The following MKLN1 variants were observed in gnomAD, a reference collection of about 807,000 sequenced individuals.
The protein encoded by MKLN1 is muskelin.
MKLN1 carries 18 observed loss-of-function variants against 99.0 expected under a neutral mutation model. That is an observed-to-expected ratio of 0.18 (90% CI 0.13 to 0.27). MKLN1 has a LOEUF of 0.27. MKLN1 is among the 10% of genes least tolerant of loss of function. The probability of loss-of-function intolerance (pLI) is 1.00; values close to 1 mark genes in which losing one functional copy is unlikely to be tolerated. For missense variants in MKLN1, 621 were observed against 875.9 expected (o/e 0.71, Z 3.67); for synonymous variants, 288 against 293.2 (o/e 0.98, Z 0.18).
At chr7:131,156,096 G>A (rs550992865) in intron 2 of MKLN1, among the ~76,000 whole-genome samples, 14 of 152,264 alleles carry the variant, frequency 9.2e-5, no homozygotes, top group Non-Finnish European at 7.4e-5. Context: ...TCAAAATGCA[G>A]ACAATCAGTG....
chr7:131,212,986 G>T (rs1466142194), intron 3 of MKLN1, among the ~76,000 whole-genome samples: 1 of 151,274 alleles, frequency 6.6e-6, no homozygotes, highest in Admixed American at 6.6e-5. Context: ...TTGATTTAGG[G>T]TTTGTTTGTG....
rs535993293 is a variant in MKLN1, at chr7:131,372,745, A to T, written c.99-2679A>T. 7.4e-4 allele frequency among the ~76,000 whole-genome samples: 109 copies of T among 146,774 alleles called. 1 individual carries two copies. The highest frequency in any genetic ancestry group is 2.6e-3 in the African/African-American group (103 of 40,052). ...GGTTTTTTTTTTTTTTTTTTTAGAT[A>T]AAGTTCTAAGAAGTGAAAGAATTCT... is the stretch of plus-strand genomic sequence containing the variant. On this transcript the variant is annotated intron_variant, in intron 1 of 17. Transcript: ENST00000352689.
intron 2 of MKLN1, among the ~76,000 whole-genome samples, chr7:131,173,404 T>C (rs2116339204): frequency 6.6e-6 from 1 of 152,314 alleles, no homozygotes; most frequent in Non-Finnish European, 1.5e-5. Flanking sequence ...CCTAGAATGA[T>C]AATGCAAATT....
intron 3 of MKLN1, among the ~76,000 whole-genome samples, chr7:131,220,023 G>A (rs897942308): frequency 1.3e-5 from 2 of 152,000 alleles, no homozygotes; most frequent in Admixed American, 6.6e-5. Flanking sequence ...CTGACCTTCC[G>A]ACCTTCCCCC....
At chr7:131,235,064 G>A (rs1290108445) in intron 3 of MKLN1, among the ~76,000 whole-genome samples, 5 of 152,090 alleles carry the variant, frequency 3.3e-5, no homozygotes, top group Non-Finnish European at 7.4e-5. Flanking sequence ...GAAGAACACG[G>A]GGCTCTTCAC....
In MKLN1 at chr7:131,223,631, G is replaced by T. The variant is rs933003997; in HGVS notation, c.-179+20657G>T. Among the ~76,000 whole-genome samples, 3 of 152,208 alleles carry T rather than the reference G, an allele frequency of 2.0e-5. No homozygotes were observed. The East Asian group carries it at 5.8e-4, about 29-fold the overall frequency. Reference sequence around the variant, plus strand: ...TCTGCCCATTCTCCATCTCTAAAATGCTTTTCCTGGATCTTCTTCCCACAG... The same window carrying T: ...TCTGCCCATTCTCCATCTCTAAAATTCTTTTCCTGGATCTTCTTCCCACAG... On this transcript the variant is annotated intron_variant, in intron 3 of 7. Transcript: ENST00000416992.
intron 17 of MKLN1, among the ~76,000 whole-genome samples, chr7:131,482,933 G>A (rs1184792720): frequency 1.3e-5 from 2 of 152,190 alleles, no homozygotes; most frequent in Non-Finnish European, 2.9e-5. Context: ...GTTACAGAGA[G>A]GCTAAACTAA....
At chr7:131,383,855 C>T (rs1442863446) in intron 2 of MKLN1, among the ~76,000 whole-genome samples, 1 of 152,206 alleles carries the variant, frequency 6.6e-6, no homozygotes, top group Non-Finnish European at 1.5e-5. Context: ...AAGTCTCCTT[C>T]ATCTCACCTC....
intron 3 of MKLN1, among the ~76,000 whole-genome samples, chr7:131,245,273 T>A (rs1051780795): frequency 2.0e-5 from 3 of 150,436 alleles, no homozygotes; most frequent in Admixed American, 2.0e-4. Flanking sequence ...ACGGTCTTTT[T>A]TTTTTTTTTT....
At chr7:131,308,616 A>C (rs392012) in intron 3 of MKLN1, among the ~76,000 whole-genome samples, 1 of 133,666 alleles carries the variant, frequency 7.5e-6, no homozygotes, top group Admixed American at 7.9e-5. Context: ...ACAGAGTTTC[A>C]CTCCTTTTGC....
chr7:131,317,922 T>C (rs753707666), intron 3 of MKLN1, among the ~76,000 whole-genome samples: 16 of 152,108 alleles, frequency 1.1e-4, no homozygotes, highest in Admixed American at 6.5e-4. Flanking sequence ...ATCCTAAATA[T>C]ATATGCACCC....
At chr7:131,140,593 C>T (rs1403477869) in intron 1 of MKLN1, among the ~76,000 whole-genome samples, 1 of 152,166 alleles carries the variant, frequency 6.6e-6, no homozygotes, top group African/African-American at 2.4e-5. Flanking sequence ...TGTGACATGC[C>T]TGGTCCCCTT....
intron 3 of MKLN1, among the ~76,000 whole-genome samples, chr7:131,223,165 T>C (rs11982958): frequency 0.66 from 100,913 of 152,140 alleles, 33,553 homozygotes; most frequent in Admixed American, 0.72. Context: ...GGTGAGTTTA[T>C]AGGGATTCTT....
At chr7:131,311,412 C>T (rs956099776) in intron 3 of MKLN1, among the ~76,000 whole-genome samples, 2 of 152,088 alleles carry the variant, frequency 1.3e-5, no homozygotes, top group African/African-American at 4.8e-5. Flanking sequence ...TGACTGATAA[C>T]ATATACCAAG....
At chr7:131,331,491 A>C (rs1276849947) in intron 1 of MKLN1, among the ~76,000 whole-genome samples, 2 of 152,170 alleles carry the variant, frequency 1.3e-5, no homozygotes, top group Admixed American at 1.3e-4. Context: ...TAAGAGTTGA[A>C]AATGTAAGAG....
At chr7:131,409,402 A>T (rs1794805309) in intron 6 of MKLN1, among the ~76,000 whole-genome samples, 1 of 152,230 alleles carries the variant, frequency 6.6e-6, no homozygotes, top group East Asian at 1.9e-4. Flanking sequence ...AGTAAAAGCA[A>T]TGCATTTTTT....
chr7:131,449,053 G>A (rs746529309), intron 12 of MKLN1, among the ~76,000 whole-genome samples: 2 of 152,208 alleles, frequency 1.3e-5, no homozygotes, highest in Non-Finnish European at 2.9e-5. Context: ...ACTGGATGCC[G>A]TGATAATGAA....
At chr7:131,269,910 C>A (rs35382983) in intron 3 of MKLN1, among the ~76,000 whole-genome samples, 1,675 of 151,966 alleles carry the variant, frequency 0.011, 17 homozygotes, top group Non-Finnish European at 0.018. Context: ...TTTTCTTTTT[C>A]TTTTTATTTT....
intron 8 of MKLN1, among the ~76,000 whole-genome samples, chr7:131,416,854 A>G (rs1004824931): frequency 6.6e-6 from 1 of 151,812 alleles, no homozygotes; most frequent in Non-Finnish European, 1.5e-5. Flanking sequence ...GTGGTGGTGT[A>G]TGCCTGTAGT....
Sources: gnomAD v4.1 joint callset for allele counts (sites outside exome capture counted in the v4.1 genomes callset) on GRCh38, gnomAD v4.1.1 for gene constraint, MANE v1.5 for transcripts, NCBI Gene and HGNC (gene_info 2026-07-23, HGNC 2026-07-21) for gene names.